Variants in CCDC61 observed in about 807,000 individuals in gnomAD.
CCDC61 encodes centrosomal protein CCDC61.
A neutral mutation model predicts 63.0 loss-of-function variants in CCDC61; 55 were observed. The observed-to-expected ratio is 0.87, with a 90% CI of 0.70 to 1.09. CCDC61 has a LOEUF of 1.09. Ranked by LOEUF, CCDC61 falls within the 50% of genes least tolerant of loss-of-function variation. CCDC61 has a pLI of 0.00. For synonymous variants in CCDC61, 270 were observed against 317.0 expected (o/e 0.85, Z 1.58); for missense variants, 651 against 731.4 (o/e 0.89, Z 1.27).
In CCDC61 at chr19:46,016,444, T is replaced by C; in HGVS notation, c.1091+51T>C. On this transcript the variant is annotated intron_variant, in intron 9 of 13. Coordinates refer to ENST00000595358, the MANE Select transcript of CCDC61 (RefSeq NM_001267723.2). The surrounding 1 kb of genome is among the most constrained non-coding windows in gnomAD (Gnocchi z 7.2). ...GCCCCTGTCCCTGGCCCGTGCCCGCTCCCGGGCTCTCATCTCTCCACGCCA... is the reference window on the plus strand; with the variant it reads ...GCCCCTGTCCCTGGCCCGTGCCCGCCCCCGGGCTCTCATCTCTCCACGCCA... 6.3e-7 allele frequency: 1 copy of C among 1,584,624 alleles called. No homozygotes were observed. Among genetic ancestry groups the C allele is most frequent in the Non-Finnish European group, 8.6e-7 (1 of 1,156,968 alleles).
intron 1 of CCDC61, among the ~76,000 whole-genome samples, chr19:46,000,786 G>A (rs1026178645): frequency 2.7e-5 from 4 of 150,276 alleles, no homozygotes; most frequent in Non-Finnish European, 4.4e-5. Context: ...TTTAGGCAGA[G>A]TATTCGGTGG....
Position 46,016,015 on chromosome 19 carries a change from G to A in CCDC61, c.846-39G>A. 6 of 1,234,182 alleles carry A rather than the reference G, an allele frequency of 4.9e-6. No homozygotes were observed. The highest frequency in any genetic ancestry group is 6.1e-6 in the Non-Finnish European group (6 of 990,262). 76.5% of individuals were successfully genotyped at this position (1,234,182 alleles called of 1,614,324 possible). The stretch of plus-strand genomic sequence containing the variant: ...AGGAGTCTCGCGATTGAGTTTGTCG[G>A]GGCGGGCGGGAAGCTGACAGCTGCC... On this transcript the variant is annotated intron_variant, in intron 7 of 13. Transcript: ENST00000595358. This position sits in a 1 kb window ranked among gnomAD's most constrained non-coding sequence, Gnocchi z 7.2.
chr19:45,997,121 G>A (rs536441067), intron 1 of CCDC61, among the ~76,000 whole-genome samples: 2 of 152,194 alleles, frequency 1.3e-5, no homozygotes, highest in South Asian at 2.1e-4. Context: ...TGAACATAGC[G>A]AACACATTGC....
chr19:46,008,102 G>A (rs371237025), intron 4 of CCDC61, 38 bp from the exon 5 acceptor site: 2 of 1,560,430 alleles, frequency 1.3e-6, no homozygotes, highest in Non-Finnish European at 1.7e-6. Flanking sequence ...TGCATTCTTG[G>A]CCTCTGAGAT....
At chr19:46,003,943 T>C (rs1228247487) in intron 3 of CCDC61, among the ~76,000 whole-genome samples, 1 of 151,876 alleles carries the variant, frequency 6.6e-6, no homozygotes, top group African/African-American at 2.4e-5. Context: ...GGTTTGTTTG[T>C]TTATTTTTTT....
intron 5 of CCDC61, 52 bp from the exon 6 acceptor site, chr19:46,014,997 T>TGGGA: frequency 7.0e-7 from 1 of 1,426,990 alleles, no homozygotes; most frequent in African/African-American, 1.5e-5. Context: ...CATGGAGTAG[T>TGGGA]GGGAATGGGG....
intron 5 of CCDC61, among the ~76,000 whole-genome samples, chr19:46,012,043 G>A (rs1968838417): frequency 6.6e-6 from 1 of 152,200 alleles, no homozygotes; most frequent in Non-Finnish European, 1.5e-5. Flanking sequence ...CCTGTCTCAA[G>A]TGATCCACCT....
chr19:46,015,366 G>A lies in CCDC61; in HGVS notation c.784G>A (p.Glu262Lys), dbSNP rs780360797. Residue 262 changes from glutamate (E) to lysine (K), a missense_variant, in exon 7 of 14, where the codon GAG becomes AAG. Coordinates refer to ENST00000595358, the MANE Select transcript of CCDC61 (RefSeq NM_001267723.2). This position sits in a 1 kb window ranked among gnomAD's most constrained non-coding sequence, Gnocchi z 5.3. ...GCAGCTCGAGGAGGCGAAGGCATCG[G>A]AGCGGAGCCTGCGCGCCCGGCTGAA... ...AKELEEAKAS[E>K]RSLRARLKTL... 6.2e-7 allele frequency: 1 copy of A among 1,602,964 alleles called. No homozygotes were observed. Among genetic ancestry groups the A allele is most frequent in the Admixed American group, 1.7e-5 (1 of 59,940 alleles).
In CCDC61 at chr19:46,011,925, C is replaced by A. The variant is rs901085908; in HGVS notation, c.552-3124C>A. Among the ~76,000 whole-genome samples the A allele has an allele frequency of 9.8e-5, 15 of 152,312 alleles. No homozygotes were observed. The South Asian group carries it at 3.1e-3, about 32-fold the overall frequency. The stretch of plus-strand genomic sequence containing the variant: ...TCAAGCGATTCTCCTGCCTCAGCCT[C>A]CTGAGCAGCTGGGATTACAGGTGTG... On this transcript the variant is annotated intron_variant, in intron 5 of 13. Transcript: ENST00000595358.
chr19:46,013,955 A>G (rs576057877), intron 5 of CCDC61, among the ~76,000 whole-genome samples: 1 of 152,128 alleles, frequency 6.6e-6, no homozygotes, highest in South Asian at 2.1e-4. Flanking sequence ...GTCACCTCCT[A>G]TAATTCTCCA....
intron 12 of CCDC61, 103 bp downstream of exon 12, chr19:46,017,407 C>T: frequency 9.4e-7 from 1 of 1,066,820 alleles, no homozygotes; most frequent in South Asian, 1.5e-5. Flanking sequence ...ATGCCTTTGG[C>T]AATAGGGCTT....
At chr19:46,010,132 G>T (rs1282986464) in intron 5 of CCDC61, among the ~76,000 whole-genome samples, 1 of 152,214 alleles carries the variant, frequency 6.6e-6, no homozygotes, top group African/African-American at 2.4e-5. Flanking sequence ...GCTAGACATG[G>T]TCTAAGCACT....
chr19:46,004,885 C>T (rs1968671693), intron 3 of CCDC61, among the ~76,000 whole-genome samples: 1 of 134,062 alleles, frequency 7.5e-6, no homozygotes, highest in Non-Finnish European at 1.5e-5. Context: ...TGCTCGGTTG[C>T]CCAGGCTTAG....
chr19:46,012,183 T>TA (rs1968840794), intron 5 of CCDC61, among the ~76,000 whole-genome samples: 1 of 152,202 alleles, frequency 6.6e-6, no homozygotes, highest in Non-Finnish European at 1.5e-5. Context: ...ACACACCACT[T>TA]ACACCTGAAT....
Position 46,016,297 on chromosome 19 carries a change from T to C in CCDC61, c.1016-21T>C, listed in dbSNP as rs780759823. The C allele has an allele frequency of 2.1e-5, 34 of 1,612,654 alleles. No individual in the cohort carries two copies. The highest frequency in any genetic ancestry group is 2.4e-5 in the Non-Finnish European group (28 of 1,179,332). ...AGGCCCGTCTCCGGACCTAGCCGCC[T>C]CCTCTCCCACGCCGTCCTAGGTGGT... is the stretch of plus-strand genomic sequence containing the variant. On this transcript the variant is annotated intron_variant, in intron 8 of 13. Transcript: ENST00000595358. This position sits in a 1 kb window ranked among gnomAD's most constrained non-coding sequence, Gnocchi z 7.2.
chr19:46,006,803 G>A, intron 4 of CCDC61, 87 bp downstream of exon 4: 1 of 1,254,058 alleles, frequency 8.0e-7, no homozygotes. Context: ...CTGGCACCCA[G>A]GCAAGGTGAT....
chr19:46,016,879 C>CGGGGCTGGGCGGGCTGGGA lies in CCDC61; in HGVS notation c.1231+49_1231+67dup. ...GGCTGCCGGGCTAGGCGGGACTGGG[C>CGGGGCTGGGCGGGCTGGGA]GGGGCTGGGCGGGCTGGGAGGCACT... On this transcript the variant is annotated intron_variant, in intron 10 of 13. Coordinates refer to ENST00000595358, the MANE Select transcript of CCDC61 (RefSeq NM_001267723.2). This position sits in a 1 kb window ranked among gnomAD's most constrained non-coding sequence, Gnocchi z 7.2. 2.1e-5 allele frequency: 6 copies of CGGGGCTGGGCGGGCTGGGA among 284,410 alleles called. No homozygotes were observed. Among genetic ancestry groups the CGGGGCTGGGCGGGCTGGGA allele is most frequent in the Non-Finnish European group, 3.8e-5 (6 of 158,240 alleles). 17.6% of individuals were successfully genotyped at this position (284,410 alleles called of 1,614,324 possible).
intron 12 of CCDC61, among the ~76,000 whole-genome samples, chr19:46,017,559 G>C (rs1209026819): frequency 1.3e-5 from 2 of 151,856 alleles, no homozygotes; most frequent in African/African-American, 4.8e-5. Context: ...GGGGGGGCAG[G>C]GTGGGGTTGA....
intron 1 of CCDC61, among the ~76,000 whole-genome samples, chr19:45,996,646 C>T (rs1002270157): frequency 1.1e-4 from 17 of 152,144 alleles, no homozygotes; most frequent in Admixed American, 1.3e-4. Flanking sequence ...GTGATCCACC[C>T]GCCTCAGCCT....
Sources: gnomAD v4.1 joint callset for allele counts (sites outside exome capture counted in the v4.1 genomes callset) on GRCh38, gnomAD v4.1.1 for gene constraint, Gnocchi (gnomAD v3.1) non-coding constraint, MANE v1.5 for transcripts, NCBI Gene and HGNC (gene_info 2026-07-23, HGNC 2026-07-21) for gene names.